The following MAP3K7CL variants were observed in gnomAD, a reference collection of about 807,000 sequenced individuals.
MAP3K7CL encodes the protein MAP3K7 C-terminal like, also known as MAP3K7 C-terminal-like protein.
In MAP3K7CL, 16 loss-of-function variants were observed where a neutral mutation model predicts 18.6. The ratio of observed to expected loss-of-function variants is 0.86; its 90% CI spans 0.58 to 1.31. MAP3K7CL has a LOEUF of 1.31. MAP3K7CL is among the 50% of genes most tolerant of loss of function. MAP3K7CL has a pLI of 0.00. For missense variants in MAP3K7CL, 163 were observed against 174.4 expected (o/e 0.93, Z 0.37); for synonymous variants, 65 against 66.8 (o/e 0.97, Z 0.13).
intron 4 of MAP3K7CL, among the ~76,000 whole-genome samples, chr21:29,101,001 T>C (rs2086219490): frequency 6.6e-6 from 1 of 150,932 alleles, no homozygotes; most frequent in Non-Finnish European, 1.5e-5. Flanking sequence ...CATGAGCCAC[T>C]GCGCCCGGTC....
At chr21:29,103,605 T>A (rs1268700018) in intron 4 of MAP3K7CL, among the ~76,000 whole-genome samples, 1 of 152,010 alleles carries the variant, frequency 6.6e-6, no homozygotes, top group Non-Finnish European at 1.5e-5. Context: ...CGTGGTGGCA[T>A]GCTCCTGTAG....
rs552680094 is a variant in MAP3K7CL at position 29,157,884 on chromosome 21, C to T, written c.133-2057C>T. ...TAAATTACAGCAGCAAAAGACATAT[C>T]TCCCTTTACACGGCTGCTCTCTATG... On this transcript the variant is annotated intron_variant, in intron 3 of 4. Transcript: ENST00000399928. Among the ~76,000 whole-genome samples the T allele has an allele frequency of 3.5e-4, 53 of 152,332 alleles. 1 individual carries two copies. In the South Asian group the frequency reaches 4.4e-3, roughly 13 times the overall value.
intron 2 of MAP3K7CL, among the ~76,000 whole-genome samples, chr21:29,141,928 C>T (rs1429881960): frequency 2.6e-5 from 4 of 151,700 alleles, no homozygotes; most frequent in Non-Finnish European, 2.9e-5. Context: ...TGTGCATTGG[C>T]TACTTTTTAT....
chr21:29,121,194 A>G (rs1003869387), intron 4 of MAP3K7CL, among the ~76,000 whole-genome samples: 2 of 151,842 alleles, frequency 1.3e-5, no homozygotes, highest in African/African-American at 2.4e-5. Flanking sequence ...AGTTTGGGCA[A>G]TGACTGTCTT....
chr21:29,085,676 G>A (rs879882605), upstream of MAP3K7CL: 32 of 454,518 alleles, frequency 7.0e-5, no homozygotes, highest in Admixed American at 1.9e-4. Context: ...AGAAAACCTC[G>A]TTCTCCCCAA....
At chr21:29,167,769 G>A (rs140632487) in intron 4 of MAP3K7CL, among the ~76,000 whole-genome samples, 4,540 of 146,508 alleles carry the variant, frequency 0.031, 202 homozygotes, top group African/African-American at 0.098. Flanking sequence ...GCGCGATCTC[G>A]GCTCACTGCA....
upstream of MAP3K7CL, among the ~76,000 whole-genome samples, chr21:29,084,081 AT>A (rs910280482): frequency 2.1e-5 from 3 of 144,336 alleles, no homozygotes; most frequent in Non-Finnish European, 4.5e-5. Context: ...ATATGTATAT[AT>A]TTTTTTTTCC....
intron 2 of MAP3K7CL, among the ~76,000 whole-genome samples, chr21:29,135,754 A>G (rs1473484723): frequency 4.6e-5 from 7 of 152,134 alleles, no homozygotes; most frequent in Non-Finnish European, 8.8e-5. Context: ...TTCTCTTTCA[A>G]ATGACTCCAG....
intron 1 of MAP3K7CL, among the ~76,000 whole-genome samples, chr21:29,086,854 G>A (rs1002483002): frequency 2.6e-5 from 4 of 152,110 alleles, no homozygotes; most frequent in African/African-American, 7.2e-5. Flanking sequence ...TTATGATGAC[G>A]TCCCCCTTTC....
intron 2 of MAP3K7CL, among the ~76,000 whole-genome samples, chr21:29,144,591 T>C (rs1477769488): frequency 1.3e-5 from 2 of 152,090 alleles, no homozygotes; most frequent in Non-Finnish European, 2.9e-5. Context: ...CCCTTAGTCT[T>C]ACATGGCCAC....
Position 29,121,057 on chromosome 21 carries a change from T to TGTATCAAAAAAAG in MAP3K7CL, c.371-28132_371-28131insGTATCAAAAAAAG, listed in dbSNP as rs1253230422. Among the ~76,000 whole-genome samples, 8 of 38,864 alleles carry TGTATCAAAAAAAG rather than the reference T, an allele frequency of 2.1e-4. 1 individual carries two copies. Among genetic ancestry groups the TGTATCAAAAAAAG allele is most frequent in the East Asian group, 3.1e-3 (2 of 644 alleles). The allele number at this position is 38,864 out of a possible 152,430, so 25.5% of individuals were successfully genotyped here. A position where few individuals can be genotyped will look rare whatever the true frequency, so the allele number is the denominator to read the frequency against. ...CTTCAGCCTGGGCAACAGAGTCAGA[T>TGTATCAAAAAAAG]ATATATATATAGTGTATATATGAGA... On this transcript the variant is annotated intron_variant, in intron 4 of 6. Coordinates refer to the MAP3K7CL transcript ENST00000286791.
At chr21:29,133,660 C>T (rs1363090056) in intron 2 of MAP3K7CL, among the ~76,000 whole-genome samples, 1 of 152,126 alleles carries the variant, frequency 6.6e-6, no homozygotes, top group African/African-American at 2.4e-5. Flanking sequence ...CCCATTCTAG[C>T]TTTCTTTTAG....
chr21:29,128,557 C>T (rs1016668064), upstream of MAP3K7CL, among the ~76,000 whole-genome samples: 3 of 152,186 alleles, frequency 2.0e-5, no homozygotes, highest in African/African-American at 7.2e-5. Flanking sequence ...CTGCCTCAGC[C>T]TCCCAAATTG....
At chr21:29,152,086 G>A (rs1195630599) in intron 3 of MAP3K7CL, among the ~76,000 whole-genome samples, 5 of 152,122 alleles carry the variant, frequency 3.3e-5, no homozygotes, top group Non-Finnish European at 7.3e-5. Context: ...GTAAGTGCTT[G>A]TTTGTTGAAT....
chr21:29,087,692 C>G (rs2085950596), intron 1 of MAP3K7CL, among the ~76,000 whole-genome samples: 1 of 146,278 alleles, frequency 6.8e-6, no homozygotes, highest in Admixed American at 7.1e-5. Flanking sequence ...CTCCGGGGTT[C>G]AAACGATTCT....
intron 4 of MAP3K7CL, among the ~76,000 whole-genome samples, chr21:29,117,661 C>T (rs2086524667): frequency 6.6e-6 from 1 of 152,264 alleles, no homozygotes; most frequent in Non-Finnish European, 1.5e-5. Context: ...AGAAGTCCTG[C>T]TGGGTGATTC....
At chr21:29,153,842 G>A (rs2087335942) in intron 3 of MAP3K7CL, among the ~76,000 whole-genome samples, 1 of 152,168 alleles carries the variant, frequency 6.6e-6, no homozygotes, top group African/African-American at 2.4e-5. Context: ...CAGGGTTTGG[G>A]TCAAGACCAA....
chr21:29,096,000 CTT>C (rs2086115759), intron 4 of MAP3K7CL, among the ~76,000 whole-genome samples: 1 of 152,138 alleles, frequency 6.6e-6, no homozygotes, highest in South Asian at 2.1e-4. Flanking sequence ...AGCTCAGAAG[CTT>C]ATTATTGATT....
At chr21:29,113,919 G>A (rs1394382125) in intron 4 of MAP3K7CL, among the ~76,000 whole-genome samples, 2 of 152,340 alleles carry the variant, frequency 1.3e-5, no homozygotes, top group East Asian at 1.9e-4. Context: ...ATTTGGCAAT[G>A]AGGAAGGAGT....
Sources: allele counts gnomAD v4.1 joint callset (sites outside exome capture counted in the v4.1 genomes callset), GRCh38; gene constraint gnomAD v4.1.1; transcripts MANE v1.5; gene names NCBI Gene and HGNC (gene_info 2026-07-23, HGNC 2026-07-21).